SHTN1: variants seen among roughly 807,000 people sequenced by gnomAD.
SHTN1 encodes shootin-1.
SHTN1 carries 42 observed loss-of-function variants against 83.1 expected under a neutral mutation model. That is an observed-to-expected ratio of 0.51 (90% CI 0.39 to 0.65). SHTN1 has a LOEUF of 0.65. Among genes scored for constraint, SHTN1 ranks in the 30% least tolerant of loss-of-function variants. The probability of loss-of-function intolerance (pLI) is 0.00; values close to 1 mark genes in which losing one functional copy is unlikely to be tolerated. For synonymous variants in SHTN1, 224 were observed against 247.7 expected, an observed-to-expected ratio of 0.90 and a Z score of 0.90; for missense variants, 622 against 737.8, an observed-to-expected ratio of 0.84 and a Z score of 1.82.
intron 2 of SHTN1, among the ~76,000 whole-genome samples, chr10:116,975,360 T>C (rs1850762372): frequency 6.6e-6 from 1 of 152,152 alleles, no homozygotes; most frequent in Admixed American, 6.6e-5. Context: ...AGGCAAGCAT[T>C]AAAGGCTAGT....
intron 11 of SHTN1, among the ~76,000 whole-genome samples, chr10:116,926,856 A>T (rs1848761991): frequency 6.6e-6 from 1 of 152,244 alleles, no homozygotes; most frequent in Non-Finnish European, 1.5e-5. Context: ...AGATGGTGGC[A>T]TGTGGAACCA....
intron 1 of SHTN1, among the ~76,000 whole-genome samples, chr10:117,062,477 T>G (rs190802923): frequency 6.6e-6 from 1 of 152,276 alleles, no homozygotes; most frequent in East Asian, 1.9e-4. Flanking sequence ...AATTCTAGGC[T>G]AGATACTATG....
chr10:116,935,762 C>T (rs902603038), intron 9 of SHTN1, among the ~76,000 whole-genome samples: 5 of 152,098 alleles, frequency 3.3e-5, no homozygotes, highest in African/African-American at 1.2e-4. Flanking sequence ...CTTGGTACCT[C>T]TGGTAGAAAT....
At chr10:116,934,906 T>C (rs192629887) in intron 9 of SHTN1, among the ~76,000 whole-genome samples, 3 of 152,322 alleles carry the variant, frequency 2.0e-5, no homozygotes, top group Admixed American at 2.0e-4. Context: ...GTTGTATTCC[T>C]AGGTATTTTA....
intron 2 of SHTN1, among the ~76,000 whole-genome samples, chr10:117,033,897 C>A (rs1227326704): frequency 2.0e-5 from 3 of 152,072 alleles, no homozygotes; most frequent in Non-Finnish European, 4.4e-5. Flanking sequence ...CAATGTGATA[C>A]ATCATATCAC....
chr10:116,901,280 T>C, intron 16 of SHTN1: 1 of 985,354 alleles, frequency 1.0e-6, no homozygotes, highest in South Asian at 4.7e-5. Flanking sequence ...TCTATACAGA[T>C]AACTCTTTAC....
At chr10:117,012,345 C>T (rs771747009) in intron 2 of SHTN1, among the ~76,000 whole-genome samples, 10 of 152,040 alleles carry the variant, frequency 6.6e-5, no homozygotes, top group Non-Finnish European at 1.3e-4. Context: ...GGAGGACTCA[C>T]GCTACCTGAT....
At chr10:117,084,349 G>C (rs1449907611) in intron 1 of SHTN1, among the ~76,000 whole-genome samples, 1 of 152,214 alleles carries the variant, frequency 6.6e-6, no homozygotes, top group East Asian at 1.9e-4. Context: ...CTCCCAGTTA[G>C]GCTGCTCGGG....
chr10:117,011,447 T>C (rs550357978), intron 2 of SHTN1, among the ~76,000 whole-genome samples: 3 of 152,314 alleles, frequency 2.0e-5, no homozygotes, highest in Middle Eastern at 3.4e-3. Context: ...TTTATTCTAT[T>C]AGTCAATATG....
intron 1 of SHTN1, among the ~76,000 whole-genome samples, chr10:117,002,268 C>T (rs1851847159): frequency 6.6e-6 from 1 of 152,102 alleles, no homozygotes; most frequent in Admixed American, 6.5e-5. Flanking sequence ...TGAATAGTAC[C>T]TGTCTTCTCT....
intron 1 of SHTN1, among the ~76,000 whole-genome samples, chr10:117,093,666 T>G (rs1001267484): frequency 2.0e-5 from 3 of 152,166 alleles, no homozygotes; most frequent in Non-Finnish European, 4.4e-5. Flanking sequence ...CAGGCTCTCT[T>G]TAGTCATAAG....
At chr10:117,088,906 C>T (rs1853388853) in intron 1 of SHTN1, among the ~76,000 whole-genome samples, 1 of 152,168 alleles carries the variant, frequency 6.6e-6, no homozygotes, top group Non-Finnish European at 1.5e-5. Flanking sequence ...GTGAAGCATA[C>T]AAAAGTAGCT....
chr10:117,107,136 A>G (rs1029359677), intron 1 of SHTN1, among the ~76,000 whole-genome samples: 1 of 152,210 alleles, frequency 6.6e-6, no homozygotes, highest in Non-Finnish European at 1.5e-5. Context: ...AGCATTTACT[A>G]TATGCCTGGT....
At chr10:117,005,693 A>T, upstream of SHTN1, 1 of 503,092 alleles carries the variant, frequency 2.0e-6, no homozygotes, top group South Asian at 8.5e-5. Flanking sequence ...TTGCACCTTG[A>T]AGAGGAGACA....
At chr10:116,926,623 A>G (rs1017425281) in intron 11 of SHTN1, among the ~76,000 whole-genome samples, 10 of 152,110 alleles carry the variant, frequency 6.6e-5, no homozygotes, top group African/African-American at 2.4e-4. Context: ...TACGCATTCT[A>G]TTCAGATGGA....
At chr10:117,087,671 T>C (rs1853369982) in intron 1 of SHTN1, among the ~76,000 whole-genome samples, 1 of 152,124 alleles carries the variant, frequency 6.6e-6, no homozygotes, top group African/African-American at 2.4e-5. Context: ...CAAGACAATA[T>C]GAGTCAAAAC....
intron 1 of SHTN1, among the ~76,000 whole-genome samples, chr10:117,086,463 G>T (rs1853355107): frequency 6.6e-6 from 1 of 152,086 alleles, no homozygotes; most frequent in Non-Finnish European, 1.5e-5. Context: ...AATATAGTTG[G>T]ACTAGTATCT....
intron 3 of SHTN1, among the ~76,000 whole-genome samples, chr10:116,967,488 A>G (rs1293060127): frequency 6.6e-6 from 1 of 152,208 alleles, no homozygotes; most frequent in Non-Finnish European, 1.5e-5. Flanking sequence ...TGCATACAAC[A>G]TGATGAGTTT....
chr10:117,051,485 C>A (rs1405211246), intron 1 of SHTN1, among the ~76,000 whole-genome samples: 4 of 152,088 alleles, frequency 2.6e-5, no homozygotes, highest in Admixed American at 6.6e-5. Flanking sequence ...GACCAATATC[C>A]CTTATGAACA....
Sources: allele counts gnomAD v4.1 joint callset (sites outside exome capture counted in the v4.1 genomes callset), GRCh38; gene constraint gnomAD v4.1.1; transcripts MANE v1.5; gene names NCBI Gene and HGNC (gene_info 2026-07-23, HGNC 2026-07-21).